The following ASXL1 variants were observed in gnomAD, a reference collection of about 807,000 sequenced individuals.
ASXL1 encodes polycomb group protein ASXL1.
In ASXL1, 65 loss-of-function variants were observed where a neutral mutation model predicts 89.1. That is an observed-to-expected ratio of 0.73 (90% CI 0.60 to 0.90). ASXL1 has a LOEUF of 0.90. Ranked by LOEUF, ASXL1 falls within the 40% of genes least tolerant of loss-of-function variation. ASXL1 has a pLI of 0.00. For missense variants in ASXL1, 1,786 were observed against 1,942.9 expected, an observed-to-expected ratio of 0.92 and a Z score of 1.52; for synonymous variants, 739 against 746.9, an observed-to-expected ratio of 0.99 and a Z score of 0.17.
At position 32,402,372 on chromosome 20, in the gene ASXL1, A is replaced by G. The variant is rs6058679; in HGVS notation, c.253-25756A>G. On this transcript the variant is annotated intron_variant, in intron 4 of 12. Transcript: ENST00000375687. Reference sequence around the variant, plus strand: ...GCCTGGCCCCACTGAAGAACATTTGAGTTGTTCCCAGTTTGGGGCTATTAC... The same window carrying G: ...GCCTGGCCCCACTGAAGAACATTTGGGTTGTTCCCAGTTTGGGGCTATTAC... 8.0e-3 allele frequency among the ~76,000 whole-genome samples: 1,213 copies of G among 152,330 alleles called. 16 individuals are homozygous for G. Among genetic ancestry groups the G allele is most frequent in the African/African-American group, 0.027 (1,116 of 41,574 alleles).
At chr20:32,392,841 A>G (rs1182718672) in intron 4 of ASXL1, among the ~76,000 whole-genome samples, 1 of 152,120 alleles carries the variant, frequency 6.6e-6, no homozygotes. Flanking sequence ...AACATACCTT[A>G]TATGATTTGA....
chr20:32,434,590 G>A lies in ASXL1; in HGVS notation c.1878G>A (p.Gly626=), dbSNP rs2011666312. 6.2e-7 allele frequency: 1 copy of A among 1,613,170 alleles called. No homozygotes were observed. Among genetic ancestry groups the A allele is most frequent in the Non-Finnish European group, 8.5e-7 (1 of 1,179,924 alleles). ...DIKARALQVR[G]ARGHHCHREA... is the part of the protein sequence containing the mutation. Reference sequence around the variant, plus strand: ...AAGCCCGTGCTCTGCAGGTCCGAGGGGCGAGAGGTCACCACTGCCATAGAG... The same window carrying A: ...AAGCCCGTGCTCTGCAGGTCCGAGGAGCGAGAGGTCACCACTGCCATAGAG... Residue 626 remains glycine, a synonymous_variant, in exon 13 of 13, where the codon GGG becomes GGA. Coordinates refer to ENST00000375687, the MANE Select transcript of ASXL1 (RefSeq NM_015338.6).
intron 4 of ASXL1, chr20:32,372,496 A>T: frequency 1.2e-6 from 1 of 822,562 alleles, no homozygotes; most frequent in Non-Finnish European, 1.5e-6. Context: ...TATTTTATTA[A>T]TTACCCACAG....
In ASXL1 at chr20:32,435,637, T is replaced by C. The variant is rs553745165; in HGVS notation, c.2925T>C (p.Cys975=). ...GCAGTGACAGCAATGGCAGTTACTG[T>C]CAACAGGTGGACATTGAAAAGCTGA... The part of the protein sequence containing the change: ...RGGSDSNGSY[C]QQVDIEKLKI... Residue 975 remains cysteine, a synonymous_variant, in exon 13 of 13, where the codon TGT becomes TGC. Transcript: ENST00000375687. The C allele has an allele frequency of 6.2e-7, 1 of 1,614,110 alleles. No homozygotes were observed. Among genetic ancestry groups the C allele is most frequent in the South Asian group, 1.1e-5 (1 of 91,074 alleles).
chr20:32,358,685 A>G lies in ASXL1; in HGVS notation c.-91A>G, dbSNP rs1020071543. On this transcript the variant is annotated 5_prime_UTR_variant, in exon 1 of 13. Transcript: ENST00000375687. ...GCCGCCGCTGCCACGCGCCCCCCCC[A>G]CCGCCGCCGCCGCCCCAGCCCCGCG... 8.6e-5 allele frequency: 43 copies of G among 501,598 alleles called. No individual in the cohort carries two copies. The highest frequency in any genetic ancestry group is 7.4e-4 in the East Asian group (6 of 8,066). The allele number at this position is 501,598 out of a possible 1,614,324, so 31.1% of individuals were successfully genotyped here. A position where few individuals can be genotyped will look rare whatever the true frequency, so the allele number is the denominator to read the frequency against.
intron 8 of ASXL1, chr20:32,430,904 G>T (rs2011494196): frequency 2.3e-6 from 1 of 435,544 alleles, no homozygotes; most frequent in South Asian, 2.1e-5. Flanking sequence ...TCCCTCTCCA[G>T]CCCATTCACA....
At position 32,434,268 on chromosome 20, in the gene ASXL1, G is replaced by A. The variant is rs1458380371; in HGVS notation, c.1720-164G>A. ...CCTTGAGCAGAATCTTCTCTGAATG[G>A]TGTGTTATGGCGCCATTTTACTATG... On this transcript the variant is annotated intron_variant, in intron 12 of 12. Coordinates refer to ENST00000375687, the MANE Select transcript of ASXL1 (RefSeq NM_015338.6). The A allele has an allele frequency of 9.9e-6, 9 of 905,796 alleles. No homozygotes were observed. In the Admixed American group the frequency reaches 1.9e-4, roughly 19 times the overall value. 56.1% of individuals were successfully genotyped at this position (905,796 alleles called of 1,614,324 possible).
At chr20:32,368,867 A>T in intron 3 of ASXL1, 148 bp from the exon 4 acceptor site, 1 of 605,854 alleles carries the variant, frequency 1.7e-6, no homozygotes, top group Non-Finnish European at 2.8e-6. Context: ...TTATTCTTTT[A>T]CTATTTTCAC....
At position 32,429,380 on chromosome 20, in the gene ASXL1, G is replaced by A. The variant is rs2011447982; in HGVS notation, c.514G>A (p.Val172Ile). 2 of 1,614,214 alleles carry A rather than the reference G, an allele frequency of 1.2e-6. No homozygotes were observed. The highest frequency in any genetic ancestry group is 1.7e-6 in the Non-Finnish European group (2 of 1,180,038). Residue 172 changes from valine (V) to isoleucine (I), a missense_variant, in exon 7 of 13, where the codon GTT becomes ATT. Physicochemically the swap from Val to Ile is conservative, Grantham distance 29. Transcript: ENST00000375687. The surrounding 1 kb of genome is among the most constrained non-coding windows in gnomAD (Gnocchi z 4.9). ...KKKTGVMLPRVVLTPLKVNGA... is the reference protein window; with the variant it reads ...KKKTGVMLPRIVLTPLKVNGA... The stretch of plus-strand genomic sequence containing the variant: ...AAAGACTGGGGTGATGCTGCCTCGA[G>A]TTGTCCTGACTCCTCTGAAGGTAAA...
At chr20:32,374,538 C>T (rs2048347160) in intron 4 of ASXL1, among the ~76,000 whole-genome samples, 1 of 152,142 alleles carries the variant, frequency 6.6e-6, no homozygotes, top group South Asian at 2.1e-4. Flanking sequence ...TCAAGCAATC[C>T]TCTGCTTCAG....
intron 3 of ASXL1, among the ~76,000 whole-genome samples, chr20:32,368,732 A>G (rs1013784398): frequency 1.3e-5 from 2 of 152,232 alleles, no homozygotes. Flanking sequence ...AGGTTTTTCT[A>G]AATTTCTTGG....
At chr20:32,375,454 A>AG (rs1192110693) in intron 4 of ASXL1, among the ~76,000 whole-genome samples, 1 of 151,444 alleles carries the variant, frequency 6.6e-6, no homozygotes, top group Non-Finnish European at 1.5e-5. Flanking sequence ...GTCTCAAAAA[A>AG]AAAAAAGAAA....
chr20:32,401,544 G>GTGTGTGT (rs35101542), intron 4 of ASXL1, among the ~76,000 whole-genome samples: 1 of 69,304 alleles, frequency 1.4e-5, no homozygotes, highest in Non-Finnish European at 3.8e-5. Context: ...GTGTGTGTGT[G>GTGTGTGT]TTTTTTCCCC....
At chr20:32,378,483 G>A (rs2048426998) in intron 4 of ASXL1, among the ~76,000 whole-genome samples, 1 of 152,146 alleles carries the variant, frequency 6.6e-6, no homozygotes, top group Non-Finnish European at 1.5e-5. Context: ...ACAGATGCTT[G>A]CATCAGTGCT....
At chr20:32,414,804 T>C (rs575889007) in intron 4 of ASXL1, among the ~76,000 whole-genome samples, 3 of 152,252 alleles carry the variant, frequency 2.0e-5, no homozygotes, top group South Asian at 4.1e-4. Context: ...CCTCCTGTTA[T>C]CCATTTCTGA....
At chr20:32,379,687 T>G (rs1188161913) in intron 4 of ASXL1, among the ~76,000 whole-genome samples, 3 of 150,454 alleles carry the variant, frequency 2.0e-5, no homozygotes, top group Admixed American at 6.6e-5. Flanking sequence ...TTAGCTGGGA[T>G]TACAGGCGGG....
chr20:32,422,874 C>T (rs1471916192), intron 4 of ASXL1, among the ~76,000 whole-genome samples: 5 of 151,980 alleles, frequency 3.3e-5, no homozygotes, highest in Admixed American at 2.0e-4. Context: ...CATGAGCCAC[C>T]GTGCCCGGCC....
chr20:32,358,882 C>G (rs1347936233), intron 1 of ASXL1, 50 bp downstream of exon 1: 23 of 1,439,510 alleles, frequency 1.6e-5, no homozygotes, highest in Non-Finnish European at 2.0e-5. Context: ...GTGGGGGGGG[C>G]TCGCCGCGCA....
chr20:32,429,795 A>G lies in ASXL1; in HGVS notation c.566-106A>G. On this transcript the variant is annotated intron_variant, in intron 7 of 12. Coordinates refer to ENST00000375687, the MANE Select transcript of ASXL1 (RefSeq NM_015338.6). This position sits in a 1 kb window ranked among gnomAD's most constrained non-coding sequence, Gnocchi z 4.9. ...TAAGGCTGGGAGATGGAAGCATCCC[A>G]GTATTGCTGGCAGCATCTCAGGGAG... 7.0e-7 allele frequency: 1 copy of G among 1,437,948 alleles called. No homozygotes were observed. The highest frequency in any genetic ancestry group is 9.5e-7 in the Non-Finnish European group (1 of 1,056,802). 89.1% of individuals were successfully genotyped at this position (1,437,948 alleles called of 1,614,324 possible). A position where few individuals can be genotyped will look rare whatever the true frequency, so the allele number is the denominator to read the frequency against.
Sources: gnomAD v4.1 joint callset for allele counts (sites outside exome capture counted in the v4.1 genomes callset) on GRCh38, gnomAD v4.1.1 for gene constraint, Gnocchi (gnomAD v3.1) non-coding constraint, MANE v1.5 for transcripts, NCBI Gene and HGNC (gene_info 2026-07-23, HGNC 2026-07-21) for gene names.